PRKD1: variants seen among roughly 807,000 people sequenced by gnomAD.
PRKD1 encodes the protein protein kinase D1.
Under a neutral mutation model 95.9 loss-of-function variants are expected in PRKD1, and 63 were observed. The ratio of observed to expected loss-of-function variants is 0.66; its 90% CI spans 0.54 to 0.81. PRKD1 has a LOEUF of 0.81. PRKD1 is among the 30% of genes least tolerant of loss of function. The probability of loss-of-function intolerance (pLI) is 0.00; values close to 1 mark genes in which losing one functional copy is unlikely to be tolerated. For missense variants in PRKD1, 1,048 were observed against 1,165.3 expected (o/e 0.90, Z 1.47); for synonymous variants, 425 against 423.1 (o/e 1.00, Z -0.05).
At chr14:29,796,845 T>C (rs1488197569) in intron 1 of PRKD1, among the ~76,000 whole-genome samples, 1 of 152,296 alleles carries the variant, frequency 6.6e-6, no homozygotes, top group Non-Finnish European at 1.5e-5. Flanking sequence ...AGTGTAGACA[T>C]GTTGAGTTGC....
At chr14:29,909,195 T>G (rs1390795344) in intron 1 of PRKD1, among the ~76,000 whole-genome samples, 1 of 152,110 alleles carries the variant, frequency 6.6e-6, no homozygotes, top group Non-Finnish European at 1.5e-5. Flanking sequence ...CCACCAGCGC[T>G]GCACTTGAAT....
chr14:29,803,258 T>C (rs1330971262), intron 1 of PRKD1, among the ~76,000 whole-genome samples: 3 of 152,194 alleles, frequency 2.0e-5, no homozygotes, highest in African/African-American at 7.2e-5. Flanking sequence ...ACAATGTACA[T>C]ATGGACTAGA....
chr14:29,856,346 A>C (rs1216773824), intron 1 of PRKD1, among the ~76,000 whole-genome samples: 2 of 152,208 alleles, frequency 1.3e-5, no homozygotes, highest in African/African-American at 4.8e-5. Flanking sequence ...AAATTAATGC[A>C]GCCAATTGTT....
At chr14:29,700,072 T>C (rs1423727121) in intron 2 of PRKD1, among the ~76,000 whole-genome samples, 1 of 147,256 alleles carries the variant, frequency 6.8e-6, no homozygotes, top group Admixed American at 6.9e-5. Context: ...TTTCCTATAT[T>C]TGCTTAGCTT....
chr14:29,789,353 T>C (rs1889428584), intron 1 of PRKD1, among the ~76,000 whole-genome samples: 1 of 152,238 alleles, frequency 6.6e-6, no homozygotes, highest in South Asian at 2.1e-4. Flanking sequence ...GCATATCTAA[T>C]GTAACATTCA....
chr14:29,586,520 T>C (rs1403342361), intron 16 of PRKD1, among the ~76,000 whole-genome samples: 1 of 152,234 alleles, frequency 6.6e-6, no homozygotes, highest in Non-Finnish European at 1.5e-5. Flanking sequence ...GGGTTTTAAA[T>C]CCACAGTAAA....
chr14:29,594,738 C>A lies in PRKD1; in HGVS notation c.2434+2753G>T, dbSNP rs985529444. Among the ~76,000 whole-genome samples the A allele has an allele frequency of 3.3e-5, 5 of 152,204 alleles. No individual in the cohort carries two copies. In the South Asian group the frequency reaches 1.0e-3, roughly 32 times the overall value. On this transcript the variant is annotated intron_variant, in intron 16 of 17. Coordinates refer to ENST00000331968, the MANE Select transcript of PRKD1 (RefSeq NM_002742.3). Reference sequence around the variant, plus strand: ...AAAATTGATCTAATATCAGCTGTGACCACCCTGTGCCAGATACGATTAATA... The same window carrying A: ...AAAATTGATCTAATATCAGCTGTGAACACCCTGTGCCAGATACGATTAATA...
chr14:29,770,930 C>CACA (rs1888475262), intron 1 of PRKD1, among the ~76,000 whole-genome samples: 1 of 47,164 alleles, frequency 2.1e-5, no homozygotes, highest in Non-Finnish European at 5.3e-5. Flanking sequence ...AGACACTGTC[C>CACA]AAAAAAAAAA....
intron 16 of PRKD1, among the ~76,000 whole-genome samples, chr14:29,594,413 A>C (rs1893230548): frequency 6.6e-6 from 1 of 152,116 alleles, no homozygotes; most frequent in African/African-American, 2.4e-5. Context: ...CCTCCTTCTG[A>C]TGCAAATTCT....
At chr14:29,773,713 C>A (rs969253463) in intron 1 of PRKD1, among the ~76,000 whole-genome samples, 6 of 152,048 alleles carry the variant, frequency 3.9e-5, no homozygotes, top group African/African-American at 1.4e-4. Context: ...TTAGTTATGA[C>A]CATTGCTAGT....
intron 1 of PRKD1, among the ~76,000 whole-genome samples, chr14:29,812,977 T>A (rs1053551116): frequency 7.9e-5 from 12 of 151,908 alleles, no homozygotes; most frequent in Admixed American, 2.0e-4. Context: ...AGGCATGGTG[T>A]CACATGCCTG....
intron 4 of PRKD1, among the ~76,000 whole-genome samples, chr14:29,644,074 T>C (rs559430273): frequency 2.0e-5 from 3 of 152,266 alleles, no homozygotes; most frequent in South Asian, 2.1e-4. Context: ...CTGAGATAAG[T>C]GTATGTTTTC....
intron 1 of PRKD1, among the ~76,000 whole-genome samples, chr14:29,841,749 TTC>T (rs1213377382): frequency 1.3e-5 from 2 of 152,106 alleles, no homozygotes; most frequent in Non-Finnish European, 2.9e-5. Context: ...TTTAAATTTT[TTC>T]TTTCTTCAAT....
intron 2 of PRKD1, among the ~76,000 whole-genome samples, chr14:29,711,623 G>A (rs995985195): frequency 3.3e-5 from 5 of 152,058 alleles, no homozygotes; most frequent in Non-Finnish European, 7.4e-5. Context: ...ATCTTAAATC[G>A]CCAAGCAAAA....
intron 1 of PRKD1, among the ~76,000 whole-genome samples, chr14:29,827,583 T>C (rs1435445004): frequency 6.6e-6 from 1 of 152,132 alleles, no homozygotes; most frequent in Non-Finnish European, 1.5e-5. Flanking sequence ...ACAGACAGAA[T>C]CGAAGGCTCT....
chr14:29,896,669 G>A (rs1894138359), intron 1 of PRKD1, among the ~76,000 whole-genome samples: 1 of 148,828 alleles, frequency 6.7e-6, no homozygotes, highest in South Asian at 2.2e-4. Context: ...CAAAATGGTT[G>A]TAAAAGGCTG....
At chr14:29,625,388 T>C (rs1030153208) in intron 12 of PRKD1, among the ~76,000 whole-genome samples, 1 of 152,212 alleles carries the variant, frequency 6.6e-6, no homozygotes, top group Admixed American at 6.5e-5. Context: ...AACGTTTCAG[T>C]CTTCCAGGTG....
intron 1 of PRKD1, among the ~76,000 whole-genome samples, chr14:29,736,127 C>G (rs45443291): frequency 2.0e-5 from 3 of 152,164 alleles, no homozygotes; most frequent in African/African-American, 7.2e-5. Flanking sequence ...TAGACCCCTA[C>G]GAAGTAGGTC....
intron 1 of PRKD1, among the ~76,000 whole-genome samples, chr14:29,926,746 A>T (rs1895311144): frequency 6.6e-6 from 1 of 152,184 alleles, no homozygotes; most frequent in Non-Finnish European, 1.5e-5. Context: ...ACTCCTGGTC[A>T]GTTGTTTTGA....
Sources: allele counts gnomAD v4.1 joint callset (sites outside exome capture counted in the v4.1 genomes callset), GRCh38; gene constraint gnomAD v4.1.1; transcripts MANE v1.5; gene names NCBI Gene and HGNC (gene_info 2026-07-23, HGNC 2026-07-21).